Variants in PBX3 observed in about 807,000 individuals in gnomAD.
The protein encoded by PBX3 is PBX homeobox 3.
PBX3 carries 14 observed loss-of-function variants against 48.5 expected under a neutral mutation model. That is an observed-to-expected ratio of 0.29 (90% CI 0.19 to 0.45). The LOEUF (loss-of-function observed/expected upper bound fraction) is 0.45, where lower values mean the gene tolerates loss of function less well. Among genes scored for constraint, PBX3 ranks in the 20% least tolerant of loss-of-function variants. The pLI is 1.00. For missense variants in PBX3, 386 were observed against 546.7 expected (o/e 0.71, Z 2.93); for synonymous variants, 210 against 200.3 (o/e 1.05, Z -0.41).
chr9:125,826,844 C>T (rs1838822322), intron 2 of PBX3, among the ~76,000 whole-genome samples: 1 of 152,122 alleles, frequency 6.6e-6, no homozygotes, highest in Non-Finnish European at 1.5e-5. Context: ...AGGTATCCAT[C>T]ACCTTAAGTA....
At chr9:125,899,454 T>TATAGAGAGAGAG (rs1377456112) in intron 2 of PBX3, among the ~76,000 whole-genome samples, 3 of 103,754 alleles carry the variant, frequency 2.9e-5, no homozygotes, top group African/African-American at 7.7e-5. Context: ...TATATATATA[T>TATAGAGAGAGAG]AGAGAGAGAG....
intron 2 of PBX3, among the ~76,000 whole-genome samples, chr9:125,869,467 T>A (rs1401329600): frequency 1.3e-5 from 2 of 151,918 alleles, no homozygotes; most frequent in Non-Finnish European, 1.5e-5. Flanking sequence ...CACCAAGGAG[T>A]ATTATAATGA....
At chr9:125,920,816 A>C (rs1334983945) in intron 3 of PBX3, among the ~76,000 whole-genome samples, 4 of 152,196 alleles carry the variant, frequency 2.6e-5, no homozygotes, top group African/African-American at 4.8e-5. Context: ...CTCAGGACCA[A>C]TCAGGTAGCG....
intron 2 of PBX3, among the ~76,000 whole-genome samples, chr9:125,789,616 C>T (rs953126476): frequency 1.3e-5 from 2 of 152,060 alleles, no homozygotes; most frequent in Non-Finnish European, 2.9e-5. Flanking sequence ...ATCTTGGAAT[C>T]CCATTACTTC....
rs1842446750 is a variant in PBX3 at position 125,962,262 on chromosome 9, G to A, written c.1122+48G>A. The A allele has an allele frequency of 2.8e-6, 3 of 1,077,196 alleles. 1 individual carries two copies. The allele number at this position is 1,077,196 out of a possible 1,614,324, so 66.7% of individuals were successfully genotyped here. ...GCCTTTCTAGCAGGGTAGGGTTTGG[G>A]CTCAAAACTCCTTCCTCTGACCCCA... On this transcript the variant is annotated intron_variant, in intron 7 of 8. Transcript: ENST00000373489.
intron 2 of PBX3, among the ~76,000 whole-genome samples, chr9:125,877,628 A>G (rs1474497066): frequency 2.0e-5 from 3 of 152,092 alleles, no homozygotes; most frequent in East Asian, 1.9e-4. Context: ...AGTTATCAAT[A>G]TAGTCTTTTA....
Position 125,894,537 on chromosome 9 carries a change from G to T in PBX3, c.275-21149G>T, listed in dbSNP as rs372520053. Among the ~76,000 whole-genome samples, 12 of 152,160 alleles carry T rather than the reference G, an allele frequency of 7.9e-5. No homozygotes were observed. In the South Asian group the frequency reaches 2.5e-3, roughly 32 times the overall value. ...TGCTTTTCTGAAACCTAGTGTGCTT[G>T]TAGGGTAAAGTAAATGCATGTCTTT... On this transcript the variant is annotated intron_variant, in intron 2 of 8. Transcript: ENST00000373489.
chr9:125,910,879 A>C (rs73667292), intron 2 of PBX3, among the ~76,000 whole-genome samples: 5,789 of 152,030 alleles, frequency 0.038, 390 homozygotes, highest in African/African-American at 0.13. Context: ...TTTAGACCTA[A>C]GGAGGAGAGT....
intron 2 of PBX3, among the ~76,000 whole-genome samples, chr9:125,777,044 C>G (rs561941004): frequency 1.4e-5 from 2 of 146,292 alleles, no homozygotes; most frequent in African/African-American, 2.5e-5. Flanking sequence ...GAGTCTCTGT[C>G]ACCAGGCTGG....
At chr9:125,781,205 A>G (rs1048788258) in intron 2 of PBX3, among the ~76,000 whole-genome samples, 9 of 150,502 alleles carry the variant, frequency 6.0e-5, no homozygotes, top group East Asian at 2.0e-4. Flanking sequence ...CTGAGATCAC[A>G]CCACTGCACT....
chr9:125,931,236 A>T (rs1841707137), intron 4 of PBX3, among the ~76,000 whole-genome samples: 1 of 152,222 alleles, frequency 6.6e-6, no homozygotes, highest in Non-Finnish European at 1.5e-5. Flanking sequence ...TTCATGTAGT[A>T]TAAGCTCTAA....
intron 2 of PBX3, among the ~76,000 whole-genome samples, chr9:125,797,967 G>A (rs930205674): frequency 7.9e-5 from 12 of 152,254 alleles, no homozygotes; most frequent in Non-Finnish European, 1.5e-4. Context: ...GACTGTGAGA[G>A]AAATAGCAAC....
chr9:125,774,693 A>G (rs1564647240), intron 2 of PBX3, among the ~76,000 whole-genome samples: 1 of 151,694 alleles, frequency 6.6e-6, no homozygotes, highest in Non-Finnish European at 1.5e-5. Context: ...TATTGTGAAT[A>G]GTGCTGTTCA....
At chr9:125,830,174 A>G (rs1838918687) in intron 2 of PBX3, among the ~76,000 whole-genome samples, 1 of 152,154 alleles carries the variant, frequency 6.6e-6, no homozygotes, top group African/African-American at 2.4e-5. Context: ...ACGTAATATG[A>G]GCATTCAACT....
chr9:125,962,844 A>T (rs2118826385), intron 7 of PBX3, among the ~76,000 whole-genome samples, 168 bp from the exon 8 acceptor site: 1 of 152,360 alleles, frequency 6.6e-6, no homozygotes, highest in South Asian at 2.1e-4. Flanking sequence ...GTGAGTTTAA[A>T]TATGCAAAGA....
chr9:125,928,929 CT>C (rs1841651150), intron 3 of PBX3, among the ~76,000 whole-genome samples: 1 of 152,274 alleles, frequency 6.6e-6, no homozygotes, highest in South Asian at 2.1e-4. Context: ...ACGCAAGGCC[CT>C]TTATGTGCTA....
intron 2 of PBX3, among the ~76,000 whole-genome samples, chr9:125,752,724 A>G (rs1836409763): frequency 1.3e-5 from 2 of 152,178 alleles, no homozygotes; most frequent in Admixed American, 1.3e-4. Flanking sequence ...CTACATATGT[A>G]AAAATCAATT....
intron 2 of PBX3, among the ~76,000 whole-genome samples, chr9:125,816,008 CTCTT>C (rs1401574340): frequency 2.0e-5 from 3 of 152,040 alleles, no homozygotes; most frequent in African/African-American, 7.2e-5. Context: ...CTCTCTCTCT[CTCTT>C]TTTGTTTTTT....
chr9:125,883,693 C>T (rs1186393641), intron 2 of PBX3, among the ~76,000 whole-genome samples: 1 of 151,984 alleles, frequency 6.6e-6, no homozygotes, highest in Non-Finnish European at 1.5e-5. Context: ...GGGAAAGTAG[C>T]AACTGCAAAC....
Sources: gnomAD v4.1 joint callset for allele counts (sites outside exome capture counted in the v4.1 genomes callset) on GRCh38, gnomAD v4.1.1 for gene constraint, MANE v1.5 for transcripts, NCBI Gene and HGNC (gene_info 2026-07-23, HGNC 2026-07-21) for gene names.